Variants in DMD observed in about 807,000 individuals in gnomAD.
DMD encodes the protein dystrophin, also known as mutant dystrophin.
Under a neutral mutation model 330.1 loss-of-function variants are expected in DMD, and 63 were observed. That is an observed-to-expected ratio of 0.19 (90% CI 0.16 to 0.24). The LOEUF (loss-of-function observed/expected upper bound fraction) is 0.24, where lower values mean the gene tolerates loss of function less well. Among genes scored for constraint, DMD ranks in the 10% least tolerant of loss-of-function variants. DMD has a pLI of 1.00. For synonymous variants in DMD, 1,223 were observed against 959.8 expected, an observed-to-expected ratio of 1.27 and a Z score of -5.07; for missense variants, 3,344 against 2,684.1, an observed-to-expected ratio of 1.25 and a Z score of -5.43.
intron 43 of DMD, among the ~76,000 whole-genome samples, chrX:32,234,489 T>A (rs1404881981): frequency 8.9e-6 from 1 of 111,742 alleles, no homozygotes; most frequent in Non-Finnish European, 1.9e-5. Flanking sequence ...ACCAGAGATC[T>A]GATTCAACTG....
intron 60 of DMD, among the ~76,000 whole-genome samples, chrX:31,443,232 C>T (rs2065060943): frequency 9.0e-6 from 1 of 111,116 alleles, no homozygotes; most frequent in Non-Finnish European, 1.9e-5. Context: ...GTGTCCTTCA[C>T]ACTGAGAAGG....
rs773125078 is a variant in DMD at position 32,491,649 on chromosome X, T to C, written c.2381-131A>G. The C allele has an allele frequency of 3.5e-4, 228 of 645,175 alleles. No homozygotes were observed. The African/African-American group carries it at 4.3e-3, about 12-fold the overall frequency. The allele number at this position is 645,175 out of a possible 1,213,427, so 53.2% of individuals were successfully genotyped here. A position where few individuals can be genotyped will look rare whatever the true frequency, so the allele number is the denominator to read the frequency against. On this transcript the variant is annotated intron_variant, in intron 19 of 78. Coordinates refer to ENST00000357033, the MANE Select transcript of DMD (RefSeq NM_004006.3). ...ATTTCAAACCAGATCAATTATTTTC[T>C]AAGATATAAATGTGTAAATATGATT...
chrX:32,397,121 G>A (rs2098050313), intron 30 of DMD, among the ~76,000 whole-genome samples: 1 of 111,101 alleles, frequency 9.0e-6, no homozygotes, highest in Non-Finnish European at 1.9e-5. Context: ...AAAACATTGG[G>A]GATAGAAGAT....
chrX:32,205,966 A>C, intron 44 of DMD: 1 of 418,669 alleles, frequency 2.4e-6, no homozygotes, highest in Admixed American at 2.7e-5. Flanking sequence ...AAGGCCGACA[A>C]AGATGATCAC....
At chrX:33,307,193 T>C (rs2053775587) in intron 1 of DMD, among the ~76,000 whole-genome samples, 1 of 111,459 alleles carries the variant, frequency 9.0e-6, no homozygotes, top group Admixed American at 9.6e-5. Context: ...TTCTTTCTTA[T>C]ATTACACCTA....
chrX:31,590,166 T>C (rs766003660), intron 55 of DMD, among the ~76,000 whole-genome samples: 58 of 105,941 alleles, frequency 5.5e-4, no homozygotes, highest in Non-Finnish European at 1.1e-3. Flanking sequence ...GTAAACTAAG[T>C]AAAAAAAAAA....
chrX:31,261,531 G>T, intron 62 of DMD: 1 of 128,020 alleles, frequency 7.8e-6, no homozygotes, highest in Non-Finnish European at 1.6e-5. Flanking sequence ...CATGATACCT[G>T]TATTTCATTT....
chrX:32,213,915 A>C (rs2097102726), intron 44 of DMD, among the ~76,000 whole-genome samples: 1 of 110,469 alleles, frequency 9.1e-6, no homozygotes, highest in African/African-American at 3.3e-5. Flanking sequence ...CAGAGGTTGC[A>C]GTGAGCTGAG....
At chrX:32,205,003 T>TCACACACACA (rs1569550722) in intron 44 of DMD, among the ~76,000 whole-genome samples, 1 of 34,733 alleles carries the variant, frequency 2.9e-5, no homozygotes, top group African/African-American at 1.2e-4. Flanking sequence ...TCTCTCTCTC[T>TCACACACACA]CTCACATACA....
chrX:32,400,332 T>C (rs1295881509), intron 30 of DMD, among the ~76,000 whole-genome samples: 1 of 111,432 alleles, frequency 9.0e-6, no homozygotes, highest in Non-Finnish European at 1.9e-5. Context: ...TGGATAAGCT[T>C]TTTGATGTGC....
chrX:31,988,977 C>G (rs1206840833), intron 44 of DMD, among the ~76,000 whole-genome samples: 1 of 111,907 alleles, frequency 8.9e-6, no homozygotes, highest in African/African-American at 3.2e-5. Flanking sequence ...AGTTCCAGCC[C>G]CAGAACTGGA....
intron 1 of DMD, among the ~76,000 whole-genome samples, chrX:33,074,087 C>T (rs938942554): frequency 4.5e-5 from 5 of 111,165 alleles, no homozygotes; most frequent in African/African-American, 1.6e-4. Flanking sequence ...GAAAAACTAA[C>T]TTAGGAGTAT....
chrX:32,880,839 G>A (rs1286263197), intron 2 of DMD, among the ~76,000 whole-genome samples: 1 of 112,491 alleles, frequency 8.9e-6, no homozygotes, highest in Non-Finnish European at 1.9e-5. Flanking sequence ...AGCTACTCAG[G>A]AGGCTGAGGC....
rs756882572 is a variant in DMD at position 32,302,566 on chromosome X, TA to T, written c.6117+7515del. On this transcript the variant is annotated intron_variant, in intron 42 of 78. Coordinates refer to ENST00000357033, the MANE Select transcript of DMD (RefSeq NM_004006.3). ...CCACATCTGGAAATAACTTTACGTA[TA>T]TTTTATGTGGTTAACATTTTATTTA... 2.7e-5 allele frequency among the ~76,000 whole-genome samples: 3 copies of T among 111,701 alleles called. No individual in the cohort carries two copies. In the East Asian group the frequency reaches 8.4e-4, roughly 31 times the overall value.
At chrX:31,275,644 G>A (rs1404662559) in intron 62 of DMD, among the ~76,000 whole-genome samples, 2 of 111,085 alleles carry the variant, frequency 1.8e-5, no homozygotes, top group Non-Finnish European at 3.8e-5. Flanking sequence ...AAACAAGGGT[G>A]GAAAAGAGGG....
chrX:31,888,468 A>G (rs1209009518), intron 47 of DMD, among the ~76,000 whole-genome samples: 8 of 111,504 alleles, frequency 7.2e-5, no homozygotes, highest in Non-Finnish European at 1.3e-4. Flanking sequence ...CCAACCAAAA[A>G]TCACCTCCCC....
chrX:32,533,458 G>C (rs761585079), intron 17 of DMD, among the ~76,000 whole-genome samples: 3 of 111,619 alleles, frequency 2.7e-5, no homozygotes, highest in Non-Finnish European at 5.6e-5. Flanking sequence ...TGAGCCCAAT[G>C]CTTCCCTACT....
At chrX:32,186,006 C>G (rs1306977688) in intron 44 of DMD, among the ~76,000 whole-genome samples, 2 of 110,860 alleles carry the variant, frequency 1.8e-5, no homozygotes. Flanking sequence ...CAATGAAAAT[C>G]TATTTTCTTT....
chrX:32,668,247 T>A (rs949182245), intron 9 of DMD, among the ~76,000 whole-genome samples: 2 of 112,104 alleles, frequency 1.8e-5, no homozygotes, highest in African/African-American at 6.5e-5. Flanking sequence ...GCTTATCAAA[T>A]CTTGTTATAT....
Sources: gnomAD v4.1 joint callset for allele counts (sites outside exome capture counted in the v4.1 genomes callset) on GRCh38, gnomAD v4.1.1 for gene constraint, MANE v1.5 for transcripts, NCBI Gene and HGNC (gene_info 2026-07-23, HGNC 2026-07-21) for gene names.